Variants in TMEM132D observed in about 807,000 individuals in gnomAD.
TMEM132D encodes transmembrane protein 132D.
Under a neutral mutation model 62.3 loss-of-function variants are expected in TMEM132D, and 21 were observed. That is an observed-to-expected ratio of 0.34 (90% confidence interval 0.24 to 0.49). TMEM132D has a LOEUF of 0.49. TMEM132D is among the 20% of genes least tolerant of loss of function. TMEM132D has a pLI of 0.99. For missense variants in TMEM132D, 1,346 were observed against 1,402.8 expected, an observed-to-expected ratio of 0.96 and a Z score of 0.65; for synonymous variants, 621 against 575.6, an observed-to-expected ratio of 1.08 and a Z score of -1.13.
At chr12:129,445,819 C>T (rs1047940654) in intron 3 of TMEM132D, among the ~76,000 whole-genome samples, 8 of 152,116 alleles carry the variant, frequency 5.3e-5, no homozygotes, top group South Asian at 2.1e-4. Context: ...AAGTAGCAGA[C>T]GCTGAGATGC....
At chr12:129,622,584 A>G (rs1840923528) in intron 2 of TMEM132D, among the ~76,000 whole-genome samples, 1 of 152,206 alleles carries the variant, frequency 6.6e-6, no homozygotes, top group Non-Finnish European at 1.5e-5. Flanking sequence ...CCGTAACTAT[A>G]TCAGCAAACA....
At chr12:129,653,582 G>T (rs1452827902) in intron 2 of TMEM132D, among the ~76,000 whole-genome samples, 1 of 152,180 alleles carries the variant, frequency 6.6e-6, no homozygotes, top group Non-Finnish European at 1.5e-5. Context: ...CCAGCAATAT[G>T]AACAGCCTAT....
intron 5 of TMEM132D, among the ~76,000 whole-genome samples, chr12:129,167,943 A>G (rs1877612459): frequency 6.6e-6 from 1 of 151,940 alleles, no homozygotes; most frequent in Admixed American, 6.6e-5. Context: ...GAATGGTTGG[A>G]GGGAAGCTTT....
rs558399174 is a variant in TMEM132D at position 129,330,336 on chromosome 12, GA to G, written c.1299+7297del. Among the ~76,000 whole-genome samples, 31 of 152,182 alleles carry G rather than the reference GA, an allele frequency of 2.0e-4. No individual in the cohort carries two copies. The South Asian group carries it at 6.2e-3, about 31-fold the overall frequency. On this transcript the variant is annotated intron_variant, in intron 4 of 8. Transcript: ENST00000422113. Reference sequence around the variant, plus strand: ...CTGGAGTCTAGCAGCTTCCAGTTTGGAAAAAAGGCTTGGAGATTGGACAGGT... The same window carrying G: ...CTGGAGTCTAGCAGCTTCCAGTTTGGAAAAAGGCTTGGAGATTGGACAGGT...
chr12:129,287,320 T>G (rs1294616599), intron 4 of TMEM132D, among the ~76,000 whole-genome samples: 1 of 152,114 alleles, frequency 6.6e-6, no homozygotes, highest in Non-Finnish European at 1.5e-5. Flanking sequence ...AAGCACAGAA[T>G]TGAAAATGTA....
chr12:129,773,276 C>G (rs1870816624), intron 1 of TMEM132D, among the ~76,000 whole-genome samples: 1 of 152,210 alleles, frequency 6.6e-6, no homozygotes, highest in South Asian at 2.1e-4. Flanking sequence ...GTGAGCAAGG[C>G]AGACACATTG....
chr12:129,783,753 C>T (rs1468291564), intron 1 of TMEM132D, among the ~76,000 whole-genome samples: 1 of 152,176 alleles, frequency 6.6e-6, no homozygotes, highest in African/African-American at 2.4e-5. Context: ...ACTAGACCAG[C>T]GTGTAAGCAG....
chr12:129,903,434 T>C lies in TMEM132D; in HGVS notation c.-95A>G. On this transcript the variant is annotated 5_prime_UTR_variant, in exon 1 of 9. Transcript: ENST00000422113. The surrounding 1 kb of genome is among the most constrained non-coding windows in gnomAD (Gnocchi z 6.2). The stretch of plus-strand genomic sequence containing the variant: ...CCCTAGAGGCCCGCAGCGGGGCCGG[T>C]GGCGAGGGAGCGCCCGGCTAGGGGC... 1.5e-6 allele frequency: 2 copies of C among 1,368,596 alleles called. No homozygotes were observed. The highest frequency in any genetic ancestry group is 2.0e-6 in the Non-Finnish European group (2 of 991,030). The allele number at this position is 1,368,596 out of a possible 1,614,324, so 84.8% of individuals were successfully genotyped here. A position where few individuals can be genotyped will look rare whatever the true frequency, so the allele number is the denominator to read the frequency against.
intron 2 of TMEM132D, among the ~76,000 whole-genome samples, chr12:129,661,269 C>CTCAG (rs1161967676): frequency 1.3e-5 from 2 of 152,176 alleles, no homozygotes; most frequent in Non-Finnish European, 2.9e-5. Flanking sequence ...GAGTGGCGAT[C>CTCAG]TCAGGGCTGT....
intron 1 of TMEM132D, among the ~76,000 whole-genome samples, chr12:129,766,109 C>T (rs906188023): frequency 6.6e-6 from 1 of 152,182 alleles, no homozygotes; most frequent in Non-Finnish European, 1.5e-5. Context: ...TTCCTTCCTA[C>T]ACATTGTCCA....
At chr12:129,773,422 T>G in intron 1 of TMEM132D, among the ~76,000 whole-genome samples, 1 of 152,000 alleles carries the variant, frequency 6.6e-6, no homozygotes, top group Admixed American at 6.6e-5. Context: ...TTCAGTGGAA[T>G]CAGCAGAGCC....
chr12:129,220,571 T>C (rs900626773), intron 4 of TMEM132D, among the ~76,000 whole-genome samples: 10 of 152,202 alleles, frequency 6.6e-5, no homozygotes, highest in African/African-American at 1.9e-4. Flanking sequence ...TGTGTCAACA[T>C]TCCATGGCCT....
At chr12:129,379,964 T>C (rs1433352106) in intron 3 of TMEM132D, among the ~76,000 whole-genome samples, 1 of 152,214 alleles carries the variant, frequency 6.6e-6, no homozygotes, top group Non-Finnish European at 1.5e-5. Flanking sequence ...TGCTTTTTAT[T>C]TTACTTTCAT....
At chr12:129,079,287 A>G (rs1190118869) in intron 7 of TMEM132D, among the ~76,000 whole-genome samples, 1 of 152,154 alleles carries the variant, frequency 6.6e-6, no homozygotes, top group East Asian at 1.9e-4. Context: ...CACTTTGGGA[A>G]ACGCAGCGCA....
chr12:129,096,258 G>T (rs951357808), intron 5 of TMEM132D, among the ~76,000 whole-genome samples: 5 of 152,194 alleles, frequency 3.3e-5, no homozygotes, highest in African/African-American at 1.2e-4. Context: ...TGGAATCCAG[G>T]CCGGTCTGGG....
intron 5 of TMEM132D, among the ~76,000 whole-genome samples, chr12:129,096,288 T>C (rs1421190234): frequency 1.3e-5 from 2 of 152,136 alleles, no homozygotes; most frequent in Non-Finnish European, 2.9e-5. Flanking sequence ...GGCCGTCATA[T>C]GCCTCACATG....
chr12:129,247,119 A>G (rs1337139981), intron 4 of TMEM132D, among the ~76,000 whole-genome samples: 1 of 152,246 alleles, frequency 6.6e-6, no homozygotes. Context: ...CAAAGTATAT[A>G]TCGGGATATT....
At chr12:129,432,154 G>T (rs1361872804) in intron 3 of TMEM132D, among the ~76,000 whole-genome samples, 2 of 117,136 alleles carry the variant, frequency 1.7e-5, no homozygotes, top group East Asian at 6.5e-4. Context: ...TGGATGGATG[G>T]ATGCTTGGAT....
intron 1 of TMEM132D, among the ~76,000 whole-genome samples, chr12:129,880,422 C>A (rs552852959): frequency 6.6e-6 from 1 of 152,152 alleles, no homozygotes; most frequent in Non-Finnish European, 1.5e-5. Flanking sequence ...GCACAAAGAA[C>A]TGAAAACTTC....
Sources: allele counts gnomAD v4.1 joint callset (sites outside exome capture counted in the v4.1 genomes callset), GRCh38; gene constraint gnomAD v4.1.1; non-coding constraint Gnocchi (gnomAD v3.1); transcripts MANE v1.5; gene names NCBI Gene and HGNC (gene_info 2026-07-23, HGNC 2026-07-21).